Variants in SLC12A2 observed in about 807,000 individuals in gnomAD.
The protein encoded by SLC12A2 is solute carrier family 12 member 2.
Under a neutral mutation model 136.3 loss-of-function variants are expected in SLC12A2, and 67 were observed. That is an observed-to-expected ratio of 0.49 (90% CI 0.40 to 0.60). The LOEUF (loss-of-function observed/expected upper bound fraction) is 0.60, where lower values mean the gene tolerates loss of function less well. Ranked by LOEUF, SLC12A2 falls within the 20% of genes least tolerant of loss-of-function variation. The pLI, the probability that SLC12A2 is intolerant of heterozygous loss-of-function variation, is 0.00. For missense variants in SLC12A2, 1,322 were observed against 1,534.7 expected (o/e 0.86, Z 2.32); for synonymous variants, 619 against 562.9 (o/e 1.10, Z -1.41).
chr5:128,182,764 T>G, intron 23 of SLC12A2, 91 bp from the exon 24 acceptor site: 2 of 864,290 alleles, frequency 2.3e-6, no homozygotes, highest in South Asian at 1.7e-5. Flanking sequence ...TAGACTGACT[T>G]TTTCTATAAA....
intron 9 of SLC12A2, among the ~76,000 whole-genome samples, chr5:128,139,887 A>G (rs1218621319): frequency 1.3e-5 from 2 of 151,998 alleles, no homozygotes; most frequent in Admixed American, 1.3e-4. Context: ...GCAGAATTAT[A>G]TTTATAAACT....
intron 1 of SLC12A2, among the ~76,000 whole-genome samples, chr5:128,108,084 A>G (rs1561660972): frequency 2.0e-5 from 3 of 151,958 alleles, no homozygotes. Context: ...GCATACTTCT[A>G]ACAAGTTTAA....
chr5:128,085,543 G>T (rs1489454513), intron 1 of SLC12A2, among the ~76,000 whole-genome samples: 6 of 152,106 alleles, frequency 3.9e-5, no homozygotes, highest in African/African-American at 1.4e-4. Flanking sequence ...TTTCTTCAGC[G>T]TTCAATGTCA....
chr5:128,133,334 G>C (rs1016229751), intron 5 of SLC12A2, among the ~76,000 whole-genome samples: 1 of 151,630 alleles, frequency 6.6e-6, no homozygotes, highest in Non-Finnish European at 1.5e-5. Flanking sequence ...TGGATCTAGG[G>C]GTTTTTCCAC....
intron 1 of SLC12A2, among the ~76,000 whole-genome samples, chr5:128,087,013 C>T (rs1279106070): frequency 6.6e-6 from 1 of 152,224 alleles, no homozygotes; most frequent in African/African-American, 2.4e-5. Flanking sequence ...ATGGGACTAA[C>T]TCTGTGTTGG....
At chr5:128,095,398 C>T (rs748689402) in intron 1 of SLC12A2, among the ~76,000 whole-genome samples, 1 of 152,026 alleles carries the variant, frequency 6.6e-6, no homozygotes, top group African/African-American at 2.4e-5. Context: ...CCTGGTAGGG[C>T]AGAATCTTTT....
chr5:128,141,429 A>C (rs1268393436), intron 9 of SLC12A2, among the ~76,000 whole-genome samples: 1 of 152,204 alleles, frequency 6.6e-6, no homozygotes, highest in African/African-American at 2.4e-5. Context: ...ATTTTTAGCC[A>C]CATTCAAGTA....
chr5:128,124,566 TGAGTA>T (rs1183545815), intron 4 of SLC12A2, among the ~76,000 whole-genome samples: 4 of 152,176 alleles, frequency 2.6e-5, no homozygotes, highest in Non-Finnish European at 5.9e-5. Flanking sequence ...ATAAAAGAGT[TGAGTA>T]AAGGATGGTA....
At position 128,167,785 on chromosome 5, in the gene SLC12A2, C is replaced by A; in HGVS notation, c.2641C>A (p.Pro881Thr). 1 of 1,609,218 alleles carries A rather than the reference C, an allele frequency of 6.2e-7. No homozygotes were observed. Reference sequence around the variant, plus strand: ...GGCTGCTGGTCTTGGTCGTATGAAGCCAAACACACTTGTCCTTGGATTTAA... The same window carrying A: ...GGCTGCTGGTCTTGGTCGTATGAAGACAAACACACTTGTCCTTGGATTTAA... ...MQAAGLGRMKPNTLVLGFKKD... is the reference protein window; with the variant it reads ...MQAAGLGRMKTNTLVLGFKKD... Residue 881 changes from proline to threonine, a missense_variant, in exon 18 of 27, where the codon CCA (proline) becomes ACA (threonine). Around this residue, in one of 8 missense-constraint regions of SLC12A2, gnomAD observed 226 missense variants for 210.4 expected, o/e 1.07. Transcript: ENST00000262461.
intron 1 of SLC12A2, among the ~76,000 whole-genome samples, chr5:128,095,750 C>T (rs1192344085): frequency 6.6e-6 from 1 of 151,968 alleles, no homozygotes; most frequent in East Asian, 1.9e-4. Flanking sequence ...TAAGCCAATT[C>T]TTCCAGTATG....
At chr5:128,097,405 A>C (rs537198468) in intron 1 of SLC12A2, among the ~76,000 whole-genome samples, 2 of 152,150 alleles carry the variant, frequency 1.3e-5, no homozygotes, top group Middle Eastern at 6.8e-3. Flanking sequence ...AAGTATATGT[A>C]CCATAACTTG....
At chr5:128,147,525 A>T in intron 10 of SLC12A2, 97 bp from the exon 11 acceptor site, 1 of 691,774 alleles carries the variant, frequency 1.4e-6, no homozygotes, top group Non-Finnish European at 2.6e-6. Context: ...AATGATCCCT[A>T]GTGTTAACCT....
Position 128,135,794 on chromosome 5 carries a change from T to G in SLC12A2, c.1394T>G (p.Phe465Cys). 1.9e-6 allele frequency: 3 copies of G among 1,594,034 alleles called. No individual in the cohort carries two copies. The highest frequency in any genetic ancestry group is 2.6e-6 in the Non-Finnish European group (3 of 1,163,068). The change falls in exon 7 of 27, where the codon TTT (phenylalanine) becomes TGT (cysteine). Residue 465 changes from phenylalanine to cysteine, a missense_variant. Phe to Cys is a radical substitution (Grantham distance 205, BLOSUM62 -2). Transcript: ENST00000262461. ...IPLESKKPKG[F>C]FGYKSEIFNE... ...CTGGAGAGCAAGAAGCCAAAAGGGT[T>G]TTTTGGTTATAAATGTAAGTAAAAA...
At chr5:128,089,396 C>T (rs1359493784) in intron 1 of SLC12A2, among the ~76,000 whole-genome samples, 5 of 151,892 alleles carry the variant, frequency 3.3e-5, no homozygotes, top group African/African-American at 9.7e-5. Context: ...AAGACCCTGT[C>T]TAAAAAAAAA....
chr5:128,091,040 G>A (rs542652958), intron 1 of SLC12A2, among the ~76,000 whole-genome samples: 7 of 152,262 alleles, frequency 4.6e-5, no homozygotes, highest in South Asian at 4.2e-4. Context: ...CTGTAAGGGG[G>A]CAAGAGTAGA....
intron 10 of SLC12A2, 54 bp from the exon 11 acceptor site, chr5:128,147,568 T>C: frequency 1.8e-6 from 2 of 1,136,256 alleles, no homozygotes; most frequent in African/African-American, 1.5e-5. Context: ...TATTGTGTTA[T>C]TTTCTGAATT....
In SLC12A2 at chr5:128,174,578, C is replaced by T. The variant is rs887154714; in HGVS notation, c.2841C>T (p.Thr947=). Residue 947 remains threonine (T), a synonymous_variant, in exon 20 of 27, where the codon ACC becomes ACT. Transcript: ENST00000262461. The part of the protein sequence containing the change: ...LLSSQEKSPG[T]KDVVVSVEYS... ...CATCACAAGAGAAATCTCCTGGCAC[C>T]AAGGATGTGGTAGTAAGTGTGGAAT... The T allele has an allele frequency of 3.1e-6, 5 of 1,608,546 alleles. No homozygotes were observed. Among genetic ancestry groups the T allele is most frequent in the East Asian group, 2.2e-5 (1 of 44,514 alleles).
chr5:128,157,550 T>A (rs1424108023), intron 15 of SLC12A2, among the ~76,000 whole-genome samples: 1 of 152,176 alleles, frequency 6.6e-6, no homozygotes, highest in Non-Finnish European at 1.5e-5. Flanking sequence ...AGAAGGAAAG[T>A]GACCTGTTTT....
intron 10 of SLC12A2, among the ~76,000 whole-genome samples, chr5:128,144,394 A>G (rs1024651913): frequency 6.6e-6 from 1 of 152,166 alleles, no homozygotes; most frequent in African/African-American, 2.4e-5. Flanking sequence ...AATGAGGAGT[A>G]TGTAAGTTGG....
Sources: allele counts gnomAD v4.1 joint callset (sites outside exome capture counted in the v4.1 genomes callset), GRCh38; gene constraint gnomAD v4.1.1; regional missense constraint gnomAD v4.1.1; transcripts MANE v1.5; gene names NCBI Gene and HGNC (gene_info 2026-07-23, HGNC 2026-07-21).